The following PPP2R2B variants were observed in gnomAD, a reference collection of about 807,000 sequenced individuals.
PPP2R2B encodes the protein protein phosphatase 2 regulatory subunit Bbeta.
Under a neutral mutation model 46.0 loss-of-function variants are expected in PPP2R2B, and 5 were observed. The ratio of observed to expected loss-of-function variants is 0.11; its 90% CI spans 0.06 to 0.23. The LOEUF (loss-of-function observed/expected upper bound fraction) is 0.23, where lower values mean the gene tolerates loss of function less well. PPP2R2B is among the 10% of genes least tolerant of loss of function. The pLI is 1.00. For missense variants in PPP2R2B, 367 were observed against 575.0 expected (o/e 0.64, Z 3.70); for synonymous variants, 215 against 206.7 (o/e 1.04, Z -0.34).
At chr5:147,065,367 T>A (rs1016969001) in intron 2 of PPP2R2B, among the ~76,000 whole-genome samples, 2 of 151,346 alleles carry the variant, frequency 1.3e-5, no homozygotes, top group Non-Finnish European at 2.9e-5. Context: ...GTGCTGGAGG[T>A]GAGGGGATAT....
At chr5:147,077,291 CA>C (rs1757810311) in intron 2 of PPP2R2B, among the ~76,000 whole-genome samples, 3 of 147,074 alleles carry the variant, frequency 2.0e-5, no homozygotes, top group African/African-American at 7.7e-5. Context: ...CACACACACA[CA>C]CACACACACA....
intron 1 of PPP2R2B, among the ~76,000 whole-genome samples, chr5:147,009,864 T>TACACACACACACACAC: frequency 7.3e-6 from 1 of 136,668 alleles, no homozygotes; most frequent in African/African-American, 2.6e-5. Flanking sequence ...CACACACACA[T>TACACACACACACACAC]ACACACACAC....
intron 1 of PPP2R2B, among the ~76,000 whole-genome samples, chr5:146,940,037 T>C (rs1179677455): frequency 6.6e-6 from 1 of 152,184 alleles, no homozygotes. Flanking sequence ...TGTATGGCAG[T>C]TGTAACCTAA....
chr5:146,771,899 G>A (rs1754880426), intron 2 of PPP2R2B, among the ~76,000 whole-genome samples: 1 of 152,082 alleles, frequency 6.6e-6, no homozygotes. Flanking sequence ...GAAGAGAAAG[G>A]AATCCACAAA....
chr5:146,879,114 C>T, upstream of PPP2R2B: 1 of 188,560 alleles, frequency 5.3e-6, no homozygotes, highest in South Asian at 1.1e-4. Context: ...AGTCTACATC[C>T]AGGTCCCTTT....
At chr5:146,917,863 G>A (rs1763449649) in intron 1 of PPP2R2B, 1 of 152,154 alleles carries the variant, frequency 6.6e-6, no homozygotes, top group Non-Finnish European at 1.5e-5. Context: ...ACTCAAGGAT[G>A]CGAAGTATCT....
At chr5:146,974,423 G>A (rs1164871045) in intron 1 of PPP2R2B, among the ~76,000 whole-genome samples, 1 of 152,166 alleles carries the variant, frequency 6.6e-6, no homozygotes, top group Non-Finnish European at 1.5e-5. Flanking sequence ...GCAGTAAGTG[G>A]CAGAGGTGGG....
chr5:146,766,017 T>C (rs1381891786), intron 2 of PPP2R2B, among the ~76,000 whole-genome samples: 1 of 152,240 alleles, frequency 6.6e-6, no homozygotes, highest in Non-Finnish European at 1.5e-5. Context: ...AAGATGGTGA[T>C]ACCTAAACAT....
intron 1 of PPP2R2B, among the ~76,000 whole-genome samples, chr5:146,886,316 G>A (rs966470564): frequency 3.1e-5 from 4 of 130,180 alleles, no homozygotes; most frequent in Non-Finnish European, 6.7e-5. Context: ...TCCAGCCCAG[G>A]CGACAGAACG....
rs565380078 is a variant in PPP2R2B, at chr5:146,589,796, T to C, written c.*151A>G. 2.4e-6 allele frequency: 2 copies of C among 829,074 alleles called. No homozygotes were observed. The highest frequency in any genetic ancestry group is 3.7e-6 in the Non-Finnish European group (2 of 534,788). 51.4% of individuals were successfully genotyped at this position (829,074 alleles called of 1,614,324 possible). ...CAAAAGTTTCTTAGAACTGGGGAGC[T>C]GGGAATGTTGGACTCCTTTTAATTC... On this transcript the variant is annotated 3_prime_UTR_variant, in exon 10 of 10. Coordinates refer to ENST00000394411, the MANE Select transcript of PPP2R2B (RefSeq NM_181675.4).
chr5:146,889,110 G>A (rs1029501997), intron 1 of PPP2R2B, among the ~76,000 whole-genome samples: 1 of 152,152 alleles, frequency 6.6e-6, no homozygotes, highest in African/African-American at 2.4e-5. Context: ...TCTTTTAAAA[G>A]AATAAAAGAG....
intron 2 of PPP2R2B, among the ~76,000 whole-genome samples, chr5:146,836,530 C>T (rs1759292996): frequency 6.6e-6 from 1 of 152,140 alleles, no homozygotes; most frequent in Admixed American, 6.5e-5. Context: ...GTGCTGTTTG[C>T]CTGCTTTTCC....
chr5:146,736,424 G>A (rs13436115), intron 2 of PPP2R2B, among the ~76,000 whole-genome samples: 13,193 of 152,038 alleles, frequency 0.087, 1,323 homozygotes, highest in African/African-American at 0.25. Flanking sequence ...TGATCTAGTT[G>A]TTATTATTAC....
chr5:146,651,149 T>C lies in PPP2R2B; in HGVS notation c.448-425A>G, dbSNP rs573896597. On this transcript the variant is annotated intron_variant, in intron 5 of 9. Transcript: ENST00000394411. ...AACTTTAATCTAAATTTATCTTTTATGTCTTTTCATCTCATGGCTTTGGAA... is the reference window on the plus strand; with the variant it reads ...AACTTTAATCTAAATTTATCTTTTACGTCTTTTCATCTCATGGCTTTGGAA... 2.6e-5 allele frequency among the ~76,000 whole-genome samples: 4 copies of C among 152,330 alleles called. No homozygotes were observed. The South Asian group carries it at 8.3e-4, about 32-fold the overall frequency.
At chr5:146,697,617 C>T (rs1779256565) in intron 4 of PPP2R2B, among the ~76,000 whole-genome samples, 1 of 152,154 alleles carries the variant, frequency 6.6e-6, no homozygotes, top group Non-Finnish European at 1.5e-5. Context: ...ATTCAATATG[C>T]CAACCTCACA....
chr5:146,793,481 C>A (rs1033649041), intron 2 of PPP2R2B, among the ~76,000 whole-genome samples: 50 of 152,272 alleles, frequency 3.3e-4, no homozygotes, highest in African/African-American at 1.2e-3. Context: ...AGTACTAATT[C>A]ATTTAAGTCA....
At chr5:147,001,552 T>A (rs951145918) in intron 1 of PPP2R2B, among the ~76,000 whole-genome samples, 3 of 152,146 alleles carry the variant, frequency 2.0e-5, no homozygotes, top group Non-Finnish European at 4.4e-5. Flanking sequence ...CTTTAAGAAC[T>A]GTAACACTCA....
At chr5:147,053,431 G>A (rs1046922854) in intron 1 of PPP2R2B, among the ~76,000 whole-genome samples, 11 of 151,996 alleles carry the variant, frequency 7.2e-5, no homozygotes, top group Admixed American at 7.2e-4. Context: ...GACTTTCACA[G>A]AGATATTCAC....
chr5:146,605,122 C>T (rs572978920), intron 7 of PPP2R2B, among the ~76,000 whole-genome samples: 67 of 152,172 alleles, frequency 4.4e-4, no homozygotes, highest in Non-Finnish European at 4.4e-4. Context: ...ACTCACTATT[C>T]ATAGGTTTTA....
Sources: gnomAD v4.1 joint callset for allele counts (sites outside exome capture counted in the v4.1 genomes callset) on GRCh38, gnomAD v4.1.1 for gene constraint, MANE v1.5 for transcripts, NCBI Gene and HGNC (gene_info 2026-07-23, HGNC 2026-07-21) for gene names.